The following SPECC1 variants were observed in gnomAD, a reference collection of about 807,000 sequenced individuals.
SPECC1 encodes sperm antigen with calponin homology and coiled-coil domains 1.
SPECC1 carries 62 observed loss-of-function variants against 104.1 expected under a neutral mutation model. The observed-to-expected ratio is 0.60, with a 90% CI of 0.49 to 0.74. The LOEUF is 0.74. Among genes scored for constraint, SPECC1 ranks in the 30% least tolerant of loss-of-function variants. The probability of loss-of-function intolerance (pLI) is 0.00; values close to 1 mark genes in which losing one functional copy is unlikely to be tolerated. For synonymous variants in SPECC1, 513 were observed against 501.6 expected (o/e 1.02, Z -0.30); for missense variants, 1,306 against 1,310.5 (o/e 1.00, Z 0.05).
rs187811845 is a variant in SPECC1, at chr17:20,164,805, A to G, written c.284-39528A>G. On this transcript the variant is annotated intron_variant, in intron 3 of 14. Transcript: ENST00000395527. ...AGGTGTCATAATACTCATGTGCCTT[A>G]GATTCAAATTACATTTAATTTGTGT... Among the ~76,000 whole-genome samples the G allele has an allele frequency of 7.1e-4, 108 of 152,292 alleles. No homozygotes were observed. The Middle Eastern group carries it at 0.034, about 48-fold the overall frequency.
intron 3 of SPECC1, among the ~76,000 whole-genome samples, chr17:20,140,583 G>C (rs2030654404): frequency 6.6e-6 from 1 of 152,182 alleles, no homozygotes; most frequent in Non-Finnish European, 1.5e-5. Context: ...AAATAGGTTT[G>C]GGAACAAATA....
intron 2 of SPECC1, among the ~76,000 whole-genome samples, chr17:20,105,154 G>T (rs2048137168): frequency 6.6e-6 from 1 of 152,066 alleles, no homozygotes; most frequent in Non-Finnish European, 1.5e-5. Flanking sequence ...CTGGAGTGCA[G>T]TGGTGCAATC....
At chr17:20,308,282 G>A (rs559042849) in intron 14 of SPECC1, among the ~76,000 whole-genome samples, 62 of 151,542 alleles carry the variant, frequency 4.1e-4, no homozygotes, top group African/African-American at 1.3e-3. Flanking sequence ...CCAGCTACTC[G>A]GGAGGCTGAG....
intron 12 of SPECC1, among the ~76,000 whole-genome samples, chr17:20,286,759 C>T (rs2040960562): frequency 1.3e-5 from 2 of 152,208 alleles, no homozygotes; most frequent in African/African-American, 2.4e-5. Flanking sequence ...TGGATCTTAA[C>T]CCACCTACCT....
chr17:20,231,856 C>T, intron 6 of SPECC1, 25 bp downstream of exon 6: 1 of 1,608,490 alleles, frequency 6.2e-7, no homozygotes, highest in Non-Finnish European at 8.5e-7. Flanking sequence ...GGAGCCTTCA[C>T]CACCATCTTC....
At chr17:20,121,389 A>G (rs541170760) in intron 3 of SPECC1, among the ~76,000 whole-genome samples, 18 of 151,330 alleles carry the variant, frequency 1.2e-4, no homozygotes, top group Non-Finnish European at 2.2e-4. Context: ...TGTTTTTTCT[A>G]TAGACGGAGT....
chr17:20,124,277 A>G (rs866810946), intron 3 of SPECC1, among the ~76,000 whole-genome samples: 1 of 152,192 alleles, frequency 6.6e-6, no homozygotes, highest in Non-Finnish European at 1.5e-5. Context: ...AGTCATAGGT[A>G]TGAGGTACAG....
At chr17:20,256,224 A>C (rs1177871791) in intron 10 of SPECC1, among the ~76,000 whole-genome samples, 1 of 152,110 alleles carries the variant, frequency 6.6e-6, no homozygotes. Flanking sequence ...TTGAGACCAC[A>C]ATAGCTTATT....
rs889248091 is a variant in SPECC1, at chr17:20,301,139, A to G, written c.3057+4062A>G. On this transcript the variant is annotated intron_variant, in intron 13 of 14. Coordinates refer to ENST00000395527, the MANE Select transcript of SPECC1 (RefSeq NM_001243439.2). ...GGCGTTCTTTTTGGTGAGAGAGGCCATATCTATCACAGTTACGGGTGTGGG... is the reference window on the plus strand; with the variant it reads ...GGCGTTCTTTTTGGTGAGAGAGGCCGTATCTATCACAGTTACGGGTGTGGG... Among the ~76,000 whole-genome samples the G allele has an allele frequency of 7.9e-5, 12 of 152,268 alleles. 1 individual carries two copies. The highest frequency in any genetic ancestry group is 6.8e-3 in the Middle Eastern group (2 of 294).
chr17:20,230,164 G>T (rs1333502800), intron 5 of SPECC1, among the ~76,000 whole-genome samples: 1 of 152,202 alleles, frequency 6.6e-6, no homozygotes, highest in East Asian at 1.9e-4. Context: ...TAGTTGATGA[G>T]AATGTTGTGA....
intron 3 of SPECC1, among the ~76,000 whole-genome samples, chr17:20,192,099 G>A (rs1354378974): frequency 6.6e-6 from 1 of 151,910 alleles, no homozygotes; most frequent in Non-Finnish European, 1.5e-5. Context: ...ACCATGCCCA[G>A]CTAATTTTTG....
chr17:20,202,010 TATC>T (rs1241529833), intron 3 of SPECC1, among the ~76,000 whole-genome samples: 8 of 152,374 alleles, frequency 5.3e-5, no homozygotes, highest in African/African-American at 1.9e-4. Flanking sequence ...TAATCAGTTT[TATC>T]ATTTACTACC....
chr17:20,031,836 T>C (rs1231972918), intron 1 of SPECC1, among the ~76,000 whole-genome samples: 1 of 152,202 alleles, frequency 6.6e-6, no homozygotes, highest in Non-Finnish European at 1.5e-5. Context: ...TGTCAGAATT[T>C]CATTCCTTTT....
intron 2 of SPECC1, among the ~76,000 whole-genome samples, chr17:20,105,111 G>T (rs1189796876): frequency 6.6e-6 from 1 of 151,716 alleles, no homozygotes; most frequent in Non-Finnish European, 1.5e-5. Flanking sequence ...TCGGTGGGGG[G>T]GCGGGAGACA....
rs549805169 is a variant in SPECC1, at chr17:20,106,064, T to G, written c.148-4363T>G. On this transcript the variant is annotated intron_variant, in intron 2 of 14. Transcript: ENST00000395527. ...ATTTTAGAAATGTCAGAGAATCAGA[T>G]AGGGGAAAAGCAGAATCCACCGTGT... Among the ~76,000 whole-genome samples the G allele has an allele frequency of 6.6e-5, 10 of 152,342 alleles. No individual in the cohort carries two copies. The East Asian group carries it at 1.9e-3, about 29-fold the overall frequency.
At chr17:20,052,667 G>A (rs1445491631) in intron 1 of SPECC1, among the ~76,000 whole-genome samples, 1 of 152,156 alleles carries the variant, frequency 6.6e-6, no homozygotes, top group Non-Finnish European at 1.5e-5. Flanking sequence ...AGGCCTAACT[G>A]AAGGCATCAC....
intron 13 of SPECC1, among the ~76,000 whole-genome samples, chr17:20,305,113 G>A (rs1350787469): frequency 2.0e-5 from 3 of 152,158 alleles, no homozygotes; most frequent in Non-Finnish European, 2.9e-5. Flanking sequence ...CTCAGGTCAT[G>A]ATGGTGGAGC....
chr17:20,185,387 G>T (rs759744780), intron 3 of SPECC1, among the ~76,000 whole-genome samples: 1 of 152,182 alleles, frequency 6.6e-6, no homozygotes, highest in Non-Finnish European at 1.5e-5. Flanking sequence ...ACTTGTGCTT[G>T]GAGCCGTGAG....
At chr17:20,087,405 C>T (rs543596146) in intron 1 of SPECC1, among the ~76,000 whole-genome samples, 2 of 152,270 alleles carry the variant, frequency 1.3e-5, no homozygotes, top group East Asian at 1.9e-4. Context: ...GGGCTCTCAT[C>T]CTGAAAGCAG....
Sources: allele counts gnomAD v4.1 joint callset (sites outside exome capture counted in the v4.1 genomes callset), GRCh38; gene constraint gnomAD v4.1.1; transcripts MANE v1.5; gene names NCBI Gene and HGNC (gene_info 2026-07-23, HGNC 2026-07-21).